The following CADM2 variants were observed in gnomAD, a reference collection of about 807,000 sequenced individuals.
CADM2 encodes the protein immunoglobulin superfamily member 4D.
A neutral mutation model predicts 49.8 loss-of-function variants in CADM2; 12 were observed. The ratio of observed to expected loss-of-function variants is 0.24; its 90% CI spans 0.15 to 0.39. The LOEUF (loss-of-function observed/expected upper bound fraction) is 0.39, where lower values mean the gene tolerates loss of function less well. Ranked by LOEUF, CADM2 falls within the 10% of genes least tolerant of loss-of-function variation. CADM2 has a pLI of 1.00. For synonymous variants in CADM2, 214 were observed against 175.4 expected, an observed-to-expected ratio of 1.22 and a Z score of -1.74; for missense variants, 378 against 492.3, an observed-to-expected ratio of 0.77 and a Z score of 2.20.
At chr3:85,378,457 T>A (rs2033717239) in intron 1 of CADM2, among the ~76,000 whole-genome samples, 1 of 152,046 alleles carries the variant, frequency 6.6e-6, no homozygotes, top group Admixed American at 6.6e-5. Context: ...CTCTACGTAG[T>A]ACTTTGCATC....
chr3:85,159,331 A>T (rs1049684933), intron 1 of CADM2, among the ~76,000 whole-genome samples: 10 of 136,374 alleles, frequency 7.3e-5, no homozygotes, highest in Admixed American at 3.4e-4. Flanking sequence ...ATGGGAGAAG[A>T]CCCTCAAATC....
At chr3:85,796,048 AT>A (rs1246247382) in intron 2 of CADM2, among the ~76,000 whole-genome samples, 1 of 152,154 alleles carries the variant, frequency 6.6e-6, no homozygotes, top group Non-Finnish European at 1.5e-5. Context: ...AGTGGATGAG[AT>A]TTTCGCAAGC....
intron 1 of CADM2, among the ~76,000 whole-genome samples, chr3:84,962,048 A>G (rs537029551): frequency 2.0e-4 from 31 of 152,142 alleles, no homozygotes; most frequent in Non-Finnish European, 4.0e-4. Flanking sequence ...TGCTTTTCAC[A>G]GCAGACTGGG....
At chr3:85,784,217 G>A (rs1055244352) in intron 2 of CADM2, among the ~76,000 whole-genome samples, 16 of 152,080 alleles carry the variant, frequency 1.1e-4, no homozygotes, top group Non-Finnish European at 2.1e-4. Context: ...TCTATTCAAT[G>A]CCCTTAATTT....
chr3:85,371,619 C>CTCTGTG (rs1553714797), intron 1 of CADM2, among the ~76,000 whole-genome samples: 2 of 124,672 alleles, frequency 1.6e-5, no homozygotes, highest in East Asian at 2.4e-4. Flanking sequence ...CCACACATCA[C>CTCTGTG]TGTGTGTGTG....
intron 1 of CADM2, among the ~76,000 whole-genome samples, chr3:84,984,830 T>C (rs1218687769): frequency 6.6e-6 from 1 of 152,166 alleles, no homozygotes; most frequent in East Asian, 1.9e-4. Flanking sequence ...TTAATATCAC[T>C]TTAAGCCTTT....
intron 1 of CADM2, among the ~76,000 whole-genome samples, chr3:85,520,533 T>C (rs989792957): frequency 6.6e-6 from 1 of 152,174 alleles, no homozygotes; most frequent in African/African-American, 2.4e-5. Context: ...TTGCATTGCG[T>C]CAATGCATTC....
chr3:85,890,550 A>T (rs186712979), intron 5 of CADM2, among the ~76,000 whole-genome samples: 3 of 152,278 alleles, frequency 2.0e-5, no homozygotes, highest in Admixed American at 1.3e-4. Flanking sequence ...GTATTCTGAT[A>T]GATTATCGGA....
intron 9 of CADM2, 70 bp from the exon 10 acceptor site, chr3:86,066,595 A>G: frequency 1.7e-6 from 2 of 1,164,708 alleles, no homozygotes; most frequent in Non-Finnish European, 2.6e-6. Context: ...CTTCCTAAAT[A>G]ATGTAGCTTT....
At chr3:85,329,220 C>G (rs1483538770) in intron 1 of CADM2, among the ~76,000 whole-genome samples, 1 of 152,104 alleles carries the variant, frequency 6.6e-6, no homozygotes. Flanking sequence ...GTTTGTCCTA[C>G]TTTTTGGAAG....
At chr3:84,983,472 A>C (rs2032335212) in intron 1 of CADM2, among the ~76,000 whole-genome samples, 1 of 152,052 alleles carries the variant, frequency 6.6e-6, no homozygotes, top group Non-Finnish European at 1.5e-5. Context: ...AAATTTTATT[A>C]TAAATACCAC....
At chr3:85,728,242 G>A (rs1381558691) in intron 2 of CADM2, among the ~76,000 whole-genome samples, 4 of 152,078 alleles carry the variant, frequency 2.6e-5, no homozygotes, top group Non-Finnish European at 5.9e-5. Context: ...ATCCAATTTA[G>A]TGCCTTCCAC....
At chr3:85,490,660 T>G (rs11127895) in intron 1 of CADM2, among the ~76,000 whole-genome samples, 77,840 of 151,562 alleles carry the variant, frequency 0.51, 22,915 homozygotes, top group East Asian at 0.85. Flanking sequence ...TAAATAGTCT[T>G]CTTAACAAAA....
intron 1 of CADM2, among the ~76,000 whole-genome samples, chr3:85,191,651 G>C (rs955219406): frequency 6.6e-6 from 1 of 152,072 alleles, no homozygotes; most frequent in Non-Finnish European, 1.5e-5. Flanking sequence ...CAGAGAAGGG[G>C]ATCCACTATA....
At chr3:85,362,667 G>A (rs2032444761) in intron 1 of CADM2, among the ~76,000 whole-genome samples, 1 of 152,076 alleles carries the variant, frequency 6.6e-6, no homozygotes, top group Admixed American at 6.5e-5. Flanking sequence ...GGTGAATGGG[G>A]GAGCAAGTTT....
chr3:85,453,586 A>T (rs957270608), intron 1 of CADM2, among the ~76,000 whole-genome samples: 3 of 151,824 alleles, frequency 2.0e-5, no homozygotes, highest in East Asian at 1.9e-4. Flanking sequence ...TTCATCCCAA[A>T]TTTTTTTTGT....
intron 1 of CADM2, among the ~76,000 whole-genome samples, chr3:85,254,948 G>A (rs2107871235): frequency 6.6e-6 from 1 of 152,208 alleles, no homozygotes. Flanking sequence ...CTGCGAGTCA[G>A]CCTCTAGGAC....
At chr3:85,657,027 A>G (rs1660802984) in intron 1 of CADM2, among the ~76,000 whole-genome samples, 1 of 151,910 alleles carries the variant, frequency 6.6e-6, no homozygotes, top group South Asian at 2.1e-4. Flanking sequence ...ATGCAATCCC[A>G]TTTTCCTGAA....
intron 1 of CADM2, among the ~76,000 whole-genome samples, chr3:85,417,344 C>A (rs2035962219): frequency 6.6e-6 from 1 of 152,116 alleles, no homozygotes. Flanking sequence ...ACTGCTATCA[C>A]CACCTCCTGA....
Sources: gnomAD v4.1 joint callset for allele counts (sites outside exome capture counted in the v4.1 genomes callset) on GRCh38, gnomAD v4.1.1 for gene constraint, MANE v1.5 for transcripts, NCBI Gene and HGNC (gene_info 2026-07-23, HGNC 2026-07-21) for gene names.